Variants in SENP1 observed in about 807,000 individuals in gnomAD.
SENP1 encodes sentrin-specific protease 1.
Under a neutral mutation model 93.0 loss-of-function variants are expected in SENP1, and 21 were observed. That is an observed-to-expected ratio of 0.23 (90% CI 0.16 to 0.33). The LOEUF (loss-of-function observed/expected upper bound fraction) is 0.33, where lower values mean the gene tolerates loss of function less well. Among genes scored for constraint, SENP1 ranks in the 10% least tolerant of loss-of-function variants. The pLI, the probability that SENP1 is intolerant of heterozygous loss-of-function variation, is 1.00. For missense variants in SENP1, 591 were observed against 758.7 expected (o/e 0.78, Z 2.60); for synonymous variants, 256 against 259.6 (o/e 0.99, Z 0.13).
chr12:48,054,367 T>C (rs572933312), intron 13 of SENP1, among the ~76,000 whole-genome samples: 2 of 152,364 alleles, frequency 1.3e-5, no homozygotes, highest in South Asian at 4.1e-4. Context: ...GAAATGTCTC[T>C]ATTACTGATA....
intron 1 of SENP1, 148 bp from the exon 2 acceptor site, chr12:48,101,664 A>C (rs1945942793): frequency 1.8e-6 from 1 of 554,492 alleles, no homozygotes. Context: ...TGATGGGAAA[A>C]GAGTAAAAAC....
intron 6 of SENP1, among the ~76,000 whole-genome samples, chr12:48,082,646 T>C (rs1171540848): frequency 2.0e-5 from 3 of 152,254 alleles, no homozygotes; most frequent in Non-Finnish European, 4.4e-5. Flanking sequence ...ATATGTAATC[T>C]AACAGATATG....
intron 4 of SENP1, chr12:48,089,257 C>G (rs755474635): frequency 7.1e-7 from 1 of 1,412,530 alleles, no homozygotes. Context: ...CAACATTTTA[C>G]CCCAACTATA....
At chr12:48,059,314 A>G (rs1942801193) in intron 13 of SENP1, among the ~76,000 whole-genome samples, 1 of 152,048 alleles carries the variant, frequency 6.6e-6, no homozygotes. Context: ...TGTGTGTCTC[A>G]TATTCAAGTT....
intron 5 of SENP1, among the ~76,000 whole-genome samples, chr12:48,084,279 A>G (rs1397611304): frequency 6.6e-6 from 1 of 152,146 alleles, no homozygotes; most frequent in African/African-American, 2.4e-5. Context: ...ATCCTTCATT[A>G]AAAACAACTA....
intron 13 of SENP1, among the ~76,000 whole-genome samples, chr12:48,059,839 C>T (rs1307853276): frequency 4.6e-5 from 7 of 152,124 alleles, no homozygotes; most frequent in Non-Finnish European, 1.0e-4. Context: ...ATTTCTGAGG[C>T]AATACCCCTC....
In SENP1 at chr12:48,083,636, CAA is replaced by C; in HGVS notation, c.505_506del (p.Leu169GlufsTer11). 6.2e-7 allele frequency: 1 copy of C among 1,613,652 alleles called. No individual in the cohort carries two copies. The highest frequency in any genetic ancestry group is 8.5e-7 in the Non-Finnish European group (1 of 1,179,796). On this transcript the variant is annotated frameshift_variant, in exon 6 of 18. Transcript: ENST00000549518. LOFTEE classifies it high-confidence loss of function. ...GTCGCCTCTGAGTTTTCTTGGGGCT[CAA>C]AAGACTTCGACGACATGAACCACTC... ...SWSGSCRRSL[L>X]SPKKTQRRHV...
intron 1 of SENP1, among the ~76,000 whole-genome samples, chr12:48,103,917 A>C (rs555095995): frequency 6.6e-6 from 1 of 152,306 alleles, no homozygotes; most frequent in East Asian, 1.9e-4. Flanking sequence ...AAGTTACTAG[A>C]AAATATATAT....
intron 9 of SENP1, among the ~76,000 whole-genome samples, chr12:48,069,267 G>A (rs1434825844): frequency 1.3e-5 from 2 of 151,898 alleles, no homozygotes; most frequent in African/African-American, 4.8e-5. Context: ...AATGTATAAA[G>A]GCAAAGAGGT....
At chr12:48,065,747 C>G in intron 10 of SENP1, 67 bp from the exon 11 acceptor site, 1 of 975,758 alleles carries the variant, frequency 1.0e-6, no homozygotes, top group Non-Finnish European at 1.6e-6. Flanking sequence ...TGTTGATGTA[C>G]ACTGAATATT....
chr12:48,079,055 G>C (rs1944333618), intron 6 of SENP1, among the ~76,000 whole-genome samples: 1 of 152,166 alleles, frequency 6.6e-6, no homozygotes, highest in Admixed American at 6.5e-5. Flanking sequence ...GAAGGCAAAA[G>C]AGGGAGTATC....
rs1943104689 is a variant in SENP1, at chr12:48,063,620, G to C, written c.1407+90C>G. 2.3e-6 allele frequency: 3 copies of C among 1,321,960 alleles called. No homozygotes were observed. In the East Asian group the frequency reaches 7.0e-5, roughly 31 times the overall value. 81.9% of individuals were successfully genotyped at this position (1,321,960 alleles called of 1,614,324 possible). A position where few individuals can be genotyped will look rare whatever the true frequency, so the allele number is the denominator to read the frequency against. On this transcript the variant is annotated intron_variant, in intron 13 of 17. Transcript: ENST00000549518. ...ATGATTCCAATGCAGGTCATCCATG[G>C]ACCACATTTTGAGAAAAAGTGAGAT...
Position 48,074,424 on chromosome 12 carries a change from T to G in SENP1, c.840A>C (p.Ala280=). 6.2e-7 allele frequency: 1 copy of G among 1,613,834 alleles called. No homozygotes were observed. Among genetic ancestry groups the G allele is most frequent in the Non-Finnish European group, 8.5e-7 (1 of 1,179,798 alleles). The part of the protein sequence containing the change: ...YSLSSYTPDV[A]FGSKDSGTLH... ...GAGTACCAGAATCTTTGGATCCAAA[T>G]GCAACATCTGGGGTATAAGAAGATA... Residue 280 remains alanine, a synonymous_variant, in exon 8 of 18, where the codon GCA becomes GCC. Transcript: ENST00000549518.
intron 6 of SENP1, chr12:48,079,955 G>C (rs1944394355): frequency 6.6e-6 from 1 of 152,140 alleles, no homozygotes; most frequent in African/African-American, 2.4e-5. Context: ...TCTAAGAAAA[G>C]TATAAAACCA....
Position 48,088,812 on chromosome 12 carries a change from T to C in SENP1, c.369A>G (p.Arg123=), listed in dbSNP as rs752673171. 3 of 1,609,942 alleles carry C rather than the reference T, an allele frequency of 1.9e-6. No homozygotes were observed. In the African/African-American group the frequency reaches 4.0e-5, roughly 21 times the overall value. Residue 123 remains arginine, a synonymous_variant, in exon 5 of 18, where the codon CGA becomes CGG. Coordinates refer to ENST00000549518, the MANE Select transcript of SENP1 (RefSeq NM_001267594.2). ...GACAAAATACGAACCTTGAGGTCTTTCGGGTTTCGAGGTAAAGACTTCGGC... is the reference window on the plus strand; with the variant it reads ...GACAAAATACGAACCTTGAGGTCTTCCGGGTTTCGAGGTAAAGACTTCGGC... ...RNSRSLYLET[R]KTSSGLSNSF...
In SENP1 at chr12:48,076,642, G is replaced by GT. The variant is rs1944104980; in HGVS notation, c.553-1850_553-1849insA. Among the ~76,000 whole-genome samples, 18 of 144,704 alleles carry GT rather than the reference G, an allele frequency of 1.2e-4. 1 individual carries two copies. The highest frequency in any genetic ancestry group is 2.4e-4 in the African/African-American group (9 of 38,254). The allele number at this position is 144,704 out of a possible 152,430, so 94.9% of individuals were successfully genotyped here. On this transcript the variant is annotated intron_variant, in intron 6 of 17. Transcript: ENST00000549518. ...CCACAGCACCCAATATGTAGTTTTT[G>GT]CTTTTTTTTTTTCTTTTTTGAGACG...
intron 13 of SENP1, among the ~76,000 whole-genome samples, chr12:48,062,793 C>T (rs1024103353): frequency 3.9e-5 from 6 of 152,026 alleles, no homozygotes; most frequent in Non-Finnish European, 7.4e-5. Flanking sequence ...ATGACTATTA[C>T]AAGAATAAAA....
intron 13 of SENP1, among the ~76,000 whole-genome samples, chr12:48,058,927 C>T (rs1346286630): frequency 6.6e-6 from 1 of 152,188 alleles, no homozygotes; most frequent in Non-Finnish European, 1.5e-5. Context: ...TTTGTTTCTT[C>T]TGCAGTACTT....
At chr12:48,061,107 A>G (rs1410004674) in intron 13 of SENP1, among the ~76,000 whole-genome samples, 1 of 152,142 alleles carries the variant, frequency 6.6e-6, no homozygotes, top group African/African-American at 2.4e-5. Flanking sequence ...TATCCCAAAC[A>G]TAGGATTTCT....
Sources: gnomAD v4.1 joint callset for allele counts (sites outside exome capture counted in the v4.1 genomes callset) on GRCh38, gnomAD v4.1.1 for gene constraint, MANE v1.5 for transcripts, NCBI Gene and HGNC (gene_info 2026-07-23, HGNC 2026-07-21) for gene names.